COL28A1: variants seen among roughly 807,000 people sequenced by gnomAD.
COL28A1 encodes collagen type XXVIII alpha 1 chain.
COL28A1 carries 161 observed loss-of-function variants against 150.2 expected under a neutral mutation model. That is an observed-to-expected ratio of 1.07 (90% CI 0.94 to 1.22). The LOEUF (loss-of-function observed/expected upper bound fraction) is 1.22, where lower values mean the gene tolerates loss of function less well. Among genes scored for constraint, COL28A1 ranks in the 50% most tolerant of loss-of-function variants. The pLI, the probability that COL28A1 is intolerant of heterozygous loss-of-function variation, is 0.00. For missense variants in COL28A1, 1,617 were observed against 1,388.3 expected (o/e 1.16, Z -2.62); for synonymous variants, 552 against 469.7 (o/e 1.18, Z -2.26).
At chr7:7,432,779 C>A in intron 23 of COL28A1, 79 bp from the exon 24 acceptor site, 1 of 1,046,796 alleles carries the variant, frequency 9.6e-7, no homozygotes, top group South Asian at 1.3e-5. Context: ...AACACCAACT[C>A]AATATGCCAA....
intron 27 of COL28A1, among the ~76,000 whole-genome samples, chr7:7,412,515 G>A (rs1247244987): frequency 6.6e-6 from 1 of 152,066 alleles, no homozygotes; most frequent in Non-Finnish European, 1.5e-5. Context: ...ATACAAGAGG[G>A]ACTAGCGAAA....
rs1295462390 is a variant in COL28A1 at position 7,456,154 on chromosome 7, ATCT to A, written c.1303-45_1303-43del. On this transcript the variant is annotated intron_variant, in intron 15 of 34. Coordinates refer to ENST00000399429, the MANE Select transcript of COL28A1 (RefSeq NM_001037763.3). ...CCAGGAAATATAACAATAAAATAAA[ATCT>A]TATTATTTCATACTTTGCTAACCTG... 3 of 1,592,830 alleles carry A rather than the reference ATCT, an allele frequency of 1.9e-6. No individual in the cohort carries two copies. In the East Asian group the frequency reaches 6.8e-5, roughly 36 times the overall value.
chr7:7,440,515 C>T (rs1388345019), intron 21 of COL28A1, among the ~76,000 whole-genome samples: 1 of 152,154 alleles, frequency 6.6e-6, no homozygotes, highest in East Asian at 1.9e-4. Context: ...AATTTTATCC[C>T]AACTTCTGAA....
chr7:7,349,348 A>C, the COL28A1 span, among the ~76,000 whole-genome samples: 1 of 152,042 alleles, frequency 6.6e-6, no homozygotes, highest in African/African-American at 2.4e-5. Flanking sequence ...TGTGACAAGC[A>C]CTATTTCTAT....
intron 11 of COL28A1, among the ~76,000 whole-genome samples, chr7:7,500,881 T>C (rs1780484600): frequency 6.6e-6 from 1 of 152,184 alleles, no homozygotes; most frequent in African/African-American, 2.4e-5. Flanking sequence ...AACTGTGGTG[T>C]GGTGCAAGCT....
chr7:7,372,326 G>A (rs1661481399), intron 32 of COL28A1, among the ~76,000 whole-genome samples: 1 of 151,718 alleles, frequency 6.6e-6, no homozygotes, highest in Non-Finnish European at 1.5e-5. Flanking sequence ...TTGAACCCGG[G>A]AAGCAGAGGT....
At chr7:7,540,865 G>A (rs1181013794), upstream of COL28A1, among the ~76,000 whole-genome samples, 1 of 151,820 alleles carries the variant, frequency 6.6e-6, no homozygotes. Flanking sequence ...GGTTTGGACA[G>A]GTTTATCTGA....
chr7:7,497,364 T>C (rs1780277441), intron 11 of COL28A1, among the ~76,000 whole-genome samples: 2 of 152,228 alleles, frequency 1.3e-5, no homozygotes, highest in African/African-American at 4.8e-5. Context: ...GACTGACGTG[T>C]ATTAACTCAT....
chr7:7,523,156 CTTTCT>C (rs1781832199), intron 4 of COL28A1, among the ~76,000 whole-genome samples: 1 of 119,722 alleles, frequency 8.4e-6, no homozygotes, highest in African/African-American at 3.2e-5. Context: ...TTTTTCCTTT[CTTTCT>C]TTTCTTTTTT....
chr7:7,543,314 ATTTG>A, the COL28A1 span, among the ~76,000 whole-genome samples: 1 of 152,232 alleles, frequency 6.6e-6, no homozygotes, highest in African/African-American at 2.4e-5. Context: ...TTGAAACTTC[ATTTG>A]TTTGTCAATG....
chr7:7,513,097 A>C (rs1302755333), intron 8 of COL28A1, among the ~76,000 whole-genome samples: 1 of 152,244 alleles, frequency 6.6e-6, no homozygotes, highest in Non-Finnish European at 1.5e-5. Context: ...ACTGGCAGCC[A>C]GCCTGCAGAC....
At chr7:7,463,045 C>T (rs1215904054) in intron 15 of COL28A1, among the ~76,000 whole-genome samples, 1 of 151,568 alleles carries the variant, frequency 6.6e-6, no homozygotes, top group African/African-American at 2.4e-5. Flanking sequence ...GTTAAATGGC[C>T]AAACCTAAGA....
rs1313336659 is a variant in COL28A1 at position 7,358,476 on chromosome 7, T to C, written c.*157A>G. On this transcript the variant is annotated 3_prime_UTR_variant, in exon 35 of 35. Coordinates refer to ENST00000399429, the MANE Select transcript of COL28A1 (RefSeq NM_001037763.3). Reference sequence around the variant, plus strand: ...CTTTCTTACCTATATAAGTGGTTAATAATATGTACATCCTAGGGCTGTAGT... The same window carrying C: ...CTTTCTTACCTATATAAGTGGTTAACAATATGTACATCCTAGGGCTGTAGT... 4.7e-6 allele frequency: 3 copies of C among 640,732 alleles called. No homozygotes were observed. The highest frequency in any genetic ancestry group is 3.8e-5 in the African/African-American group (2 of 53,216). 39.7% of individuals were successfully genotyped at this position (640,732 alleles called of 1,614,324 possible).
At chr7:7,412,342 G>C (rs1488110836) in intron 27 of COL28A1, among the ~76,000 whole-genome samples, 1 of 152,050 alleles carries the variant, frequency 6.6e-6, no homozygotes, top group Non-Finnish European at 1.5e-5. Flanking sequence ...ACACACATTG[G>C]ACGGTTATGT....
chr7:7,350,097 T>C, the COL28A1 span, among the ~76,000 whole-genome samples: 3 of 151,970 alleles, frequency 2.0e-5, no homozygotes, highest in Non-Finnish European at 4.4e-5. Context: ...AGGAAAATAA[T>C]TGGATCAGAA....
chr7:7,375,488 TTTC>T lies in COL28A1; in HGVS notation c.2329_2331del (p.Glu777del). ...CATATTTCTGTAATAAGTTTGATAA[TTTC>T]TTCTTTCTAGGGGATAAAAAGAAAA... On this transcript the variant is annotated inframe_deletion, in exon 31 of 35. Coordinates refer to ENST00000399429, the MANE Select transcript of COL28A1 (RefSeq NM_001037763.3). 2 of 1,559,470 alleles carry T rather than the reference TTTC, an allele frequency of 1.3e-6. No individual in the cohort carries two copies. The highest frequency in any genetic ancestry group is 1.8e-6 in the Non-Finnish European group (2 of 1,138,614).
At chr7:7,444,338 T>C in intron 19 of COL28A1, 80 bp downstream of exon 19, 1 of 1,588,474 alleles carries the variant, frequency 6.3e-7, no homozygotes, top group Non-Finnish European at 8.6e-7. Flanking sequence ...CTGAATGGTT[T>C]TATTCGAGCT....
chr7:7,531,577 T>A lies in COL28A1; in HGVS notation c.452A>T (p.Asp151Val). 3.1e-6 allele frequency: 5 copies of A among 1,603,752 alleles called. No homozygotes were observed. Among genetic ancestry groups the A allele is most frequent in the Non-Finnish European group, 4.3e-6 (5 of 1,170,680 alleles). ...CATCAGCAAAACCACTTTCACACCA[T>A]CCTTACGCCCTTCTCTCTTAAGTAG... is the stretch of plus-strand genomic sequence containing the variant. ...TRLLKREGRK[D>V]GVKVVLLMTD... is the part of the protein sequence containing the mutation. Residue 151 changes from aspartate (D) to valine (V), a missense_variant, in exon 3 of 35, where the codon GAT (aspartate) becomes GTT (valine). By Grantham distance (152) the Asp-to-Val change is radical (BLOSUM62 -3). Transcript: ENST00000399429.
At chr7:7,361,188 G>C (rs758910) in intron 33 of COL28A1, among the ~76,000 whole-genome samples, 118,246 of 152,098 alleles carry the variant, frequency 0.78, 46,156 homozygotes, top group East Asian at 0.88. Flanking sequence ...AGAAATGTTT[G>C]ATATCTAAAG....
Sources: gnomAD v4.1 joint callset for allele counts (sites outside exome capture counted in the v4.1 genomes callset) on GRCh38, gnomAD v4.1.1 for gene constraint, MANE v1.5 for transcripts, NCBI Gene and HGNC (gene_info 2026-07-23, HGNC 2026-07-21) for gene names.